The following ASB16 variants were observed in gnomAD, a reference collection of about 807,000 sequenced individuals.
ASB16 encodes the protein ankyrin repeat and SOCS box protein 16.
ASB16 carries 44 observed loss-of-function variants against 39.1 expected under a neutral mutation model. That is an observed-to-expected ratio of 1.13 (90% CI 0.88 to 1.45). ASB16 has a LOEUF of 1.45. Among genes scored for constraint, ASB16 ranks in the 40% most tolerant of loss-of-function variants. The probability of loss-of-function intolerance (pLI) is 0.00; values close to 1 mark genes in which losing one functional copy is unlikely to be tolerated. For missense variants in ASB16, 698 were observed against 634.5 expected (o/e 1.10, Z -1.07); for synonymous variants, 305 against 286.7 (o/e 1.06, Z -0.64).
rs1208719934 is a variant in ASB16 at position 44,176,981 on chromosome 17, G to A, written c.813G>A (p.Leu271=). 9.4e-6 allele frequency: 14 copies of A among 1,490,170 alleles called. No individual in the cohort carries two copies. Among genetic ancestry groups the A allele is most frequent in the African/African-American group, 1.5e-5 (1 of 68,122 alleles). 92.3% of individuals were successfully genotyped at this position (1,490,170 alleles called of 1,614,324 possible). Residue 271 remains leucine (L), a synonymous_variant, in exon 3 of 5, where the codon CTG becomes CTA. Transcript: ENST00000293414. The part of the protein sequence containing the change: ...RRHQAAARRL[L]EAGADARAAG... ...ACCAGGCTGCGGCGCGCCGGCTCCT[G>A]GAGGCTGGAGCTGATGCCCGGGCGG...
chr17:44,173,093 A>C (rs965016482), intron 2 of ASB16, among the ~76,000 whole-genome samples: 1 of 145,452 alleles, frequency 6.9e-6, no homozygotes, highest in African/African-American at 2.5e-5. Context: ...TAAAAAAAAA[A>C]AAAAAAAAAA....
intron 2 of ASB16, chr17:44,176,125 CA>C (rs753005142): frequency 6.5e-6 from 1 of 154,044 alleles, no homozygotes; most frequent in Non-Finnish European, 1.4e-5. Flanking sequence ...GAGGCCAAGG[CA>C]GGAGGCTTGC....
intron 4 of ASB16, among the ~76,000 whole-genome samples, chr17:44,177,999 G>A (rs1317722303): frequency 6.6e-6 from 1 of 152,154 alleles, no homozygotes; most frequent in Non-Finnish European, 1.5e-5. Context: ...GGTGGGAGTG[G>A]TATAGACATA....
intron 2 of ASB16, 71 bp downstream of exon 2, chr17:44,172,384 G>A: frequency 1.9e-6 from 3 of 1,543,892 alleles, no homozygotes; most frequent in Non-Finnish European, 8.7e-7. Context: ...AAGGCCAGAA[G>A]AGGGAACCTG....
chr17:44,176,446 C>A (rs1598123883), intron 2 of ASB16: 1 of 501,920 alleles, frequency 2.0e-6, no homozygotes, highest in East Asian at 3.8e-5. Flanking sequence ...GTGGGAGGGA[C>A]TGTCTGAGGC....
intron 1 of ASB16, 91 bp from the exon 2 acceptor site, chr17:44,171,955 C>T: frequency 1.5e-6 from 2 of 1,366,468 alleles, no homozygotes; most frequent in Non-Finnish European, 2.0e-6. Context: ...AGAGGGAAGG[C>T]CAGTGTCAGC....
Position 44,176,745 on chromosome 17 carries a change from A to C in ASB16, c.577A>C (p.Lys193Gln). 1 of 1,613,988 alleles carries C rather than the reference A, an allele frequency of 6.2e-7. No individual in the cohort carries two copies. The highest frequency in any genetic ancestry group is 1.1e-5 in the South Asian group (1 of 91,042). The change falls in exon 3 of 5, where the codon AAG becomes CAG. Residue 193 changes from lysine (K) to glutamine (Q), a missense_variant. Transcript: ENST00000293414. ...TTGCTCTCTTGTCCCCAGGTGCGCC[A>C]AGTTGCTGCTGGAAGCAGGAGCGAC... ...CTIPESLQCAKLLLEAGATVN... is the reference protein window; with the variant it reads ...CTIPESLQCAQLLLEAGATVN...
Position 44,178,354 on chromosome 17 carries a change from C to T in ASB16, c.1326C>T (p.Asp442=). 1.9e-6 allele frequency: 3 copies of T among 1,609,854 alleles called. No homozygotes were observed. Among genetic ancestry groups the T allele is most frequent in the Non-Finnish European group, 1.7e-6 (2 of 1,178,164 alleles). The change falls in exon 5 of 5, where the codon GAC becomes GAT. Residue 442 remains aspartate, a synonymous_variant. Coordinates refer to ENST00000293414, the MANE Select transcript of ASB16 (RefSeq NM_080863.5). ...TGCCACTGCCCCCGCTCCTCAGGGACTACCTGCTGCTGCGTGTGGAGGGGT... is the reference window on the plus strand; with the variant it reads ...TGCCACTGCCCCCGCTCCTCAGGGATTACCTGCTGCTGCGTGTGGAGGGGT... The part of the protein sequence containing the change: ...TRLPLPPLLR[D]YLLLRVEGCI...
At chr17:44,171,984 TC>T in intron 1 of ASB16, 61 bp from the exon 2 acceptor site, 1 of 1,535,514 alleles carries the variant, frequency 6.5e-7, no homozygotes. Flanking sequence ...GGAACCAGCA[TC>T]CCCACTCCCT....
At chr17:44,177,998 G>A (rs529550699) in intron 4 of ASB16, among the ~76,000 whole-genome samples, 21 of 152,246 alleles carry the variant, frequency 1.4e-4, no homozygotes, top group African/African-American at 4.8e-4. Flanking sequence ...GGGTGGGAGT[G>A]GTATAGACAT....
At position 44,178,928 on chromosome 17, in the gene ASB16, A is replaced by C. The variant is rs1598126559; in HGVS notation, c.*538A>C. ...CGGCCTGTTCCCAGACTCGGCCTTC[A>C]CCTCCCTTCTCCTCCTGTGTTTAAG... On this transcript the variant is annotated 3_prime_UTR_variant, in exon 5 of 5. Coordinates refer to ENST00000293414, the MANE Select transcript of ASB16 (RefSeq NM_080863.5). 6.4e-6 allele frequency: 1 copy of C among 155,654 alleles called. No homozygotes were observed. Among genetic ancestry groups the C allele is most frequent in the Admixed American group, 6.2e-5 (1 of 16,060 alleles). The allele number at this position is 155,654 out of a possible 1,614,324, so 9.6% of individuals were successfully genotyped here. A position where few individuals can be genotyped will look rare whatever the true frequency, so the allele number is the denominator to read the frequency against.
intron 2 of ASB16, chr17:44,176,356 CCAAAA>C: frequency 6.3e-6 from 1 of 159,958 alleles, no homozygotes; most frequent in Non-Finnish European, 1.1e-5. Flanking sequence ...GACCCTGTCT[CCAAAA>C]AAAAAAAAAA....
intron 2 of ASB16, among the ~76,000 whole-genome samples, chr17:44,172,928 T>C (rs1057087450): frequency 2.0e-5 from 3 of 149,304 alleles, no homozygotes; most frequent in African/African-American, 7.4e-5. Flanking sequence ...AAATTCCTAG[T>C]TGTTTTGAGG....
chr17:44,176,560 G>A (rs1466054747), intron 2 of ASB16, 178 bp from the exon 3 acceptor site: 1 of 892,822 alleles, frequency 1.1e-6, no homozygotes, highest in Non-Finnish European at 1.8e-6. Flanking sequence ...AGATGCTTCT[G>A]GTAGCTCTCA....
intron 2 of ASB16, among the ~76,000 whole-genome samples, chr17:44,175,647 G>A (rs1410133350): frequency 5.9e-5 from 9 of 152,058 alleles, no homozygotes; most frequent in East Asian, 1.9e-4. Flanking sequence ...AGCAGCTGCC[G>A]TTCTGGCTTT....
intron 1 of ASB16, among the ~76,000 whole-genome samples, chr17:44,171,421 G>A (rs1222714796): frequency 6.6e-6 from 1 of 151,754 alleles, no homozygotes; most frequent in African/African-American, 2.4e-5. Flanking sequence ...AAAATTAGCC[G>A]GGCATGGTGG....
chr17:44,172,841 T>G (rs1403029281), intron 2 of ASB16, among the ~76,000 whole-genome samples: 2 of 149,036 alleles, frequency 1.3e-5, no homozygotes, highest in African/African-American at 2.5e-5. Flanking sequence ...GGTCTTGAAC[T>G]CCTGTCCTCA....
chr17:44,176,357 C>CAA (rs367925638), intron 2 of ASB16: 35 of 191,670 alleles, frequency 1.8e-4, no homozygotes, highest in South Asian at 2.8e-4. Flanking sequence ...ACCCTGTCTC[C>CAA]AAAAAAAAAA....
Position 44,177,124 on chromosome 17 carries a change from C to A in ASB16, c.956C>A (p.Thr319Lys), listed in dbSNP as rs773164904. 8.6e-5 allele frequency: 128 copies of A among 1,486,010 alleles called. No homozygotes were observed. Among genetic ancestry groups the A allele is most frequent in the African/African-American group, 1.3e-4 (9 of 69,466 alleles). The allele number at this position is 1,486,010 out of a possible 1,614,324, so 92.1% of individuals were successfully genotyped here. The change falls in exon 3 of 5, where the codon ACG (threonine) becomes AAG (lysine). Residue 319 changes from threonine (T) to lysine (K), a missense_variant. By Grantham distance (78) the Thr-to-Lys change is moderately conservative (BLOSUM62 -1). Coordinates refer to ENST00000293414, the MANE Select transcript of ASB16 (RefSeq NM_080863.5). ...RAEVPNGAGH[T>K]PMDCALQAVQ... ...GAGGTCCCCAATGGGGCGGGCCACA[C>A]GCCCATGGACTGTGCGCTGCAGGCC...
Sources: gnomAD v4.1 joint callset for allele counts (sites outside exome capture counted in the v4.1 genomes callset) on GRCh38, gnomAD v4.1.1 for gene constraint, MANE v1.5 for transcripts, NCBI Gene and HGNC (gene_info 2026-07-23, HGNC 2026-07-21) for gene names.